The following PPP1R9A variants were observed in gnomAD, a reference collection of about 807,000 sequenced individuals.
PPP1R9A encodes the protein protein phosphatase 1 regulatory subunit 9A.
A neutral mutation model predicts 141.9 loss-of-function variants in PPP1R9A; 59 were observed. That is an observed-to-expected ratio of 0.42 (90% CI 0.34 to 0.52). The LOEUF is 0.52. PPP1R9A is among the 20% of genes least tolerant of loss of function. The probability of loss-of-function intolerance (pLI) is 0.10; values close to 1 mark genes in which losing one functional copy is unlikely to be tolerated. For synonymous variants in PPP1R9A, 500 were observed against 569.7 expected (o/e 0.88, Z 1.74); for missense variants, 1,444 against 1,611.9 (o/e 0.90, Z 1.78).
intron 4 of PPP1R9A, among the ~76,000 whole-genome samples, chr7:95,131,507 A>G (rs1824606055): frequency 6.6e-6 from 1 of 152,182 alleles, no homozygotes; most frequent in South Asian, 2.1e-4. Flanking sequence ...TTGTACCAGT[A>G]GTATGCTGTT....
intron 2 of PPP1R9A, among the ~76,000 whole-genome samples, chr7:94,919,942 A>C (rs1792580449): frequency 1.3e-5 from 2 of 152,116 alleles, no homozygotes; most frequent in African/African-American, 4.8e-5. Flanking sequence ...TATCACTAAG[A>C]TTGTTTCTCG....
At position 95,039,847 on chromosome 7, in the gene PPP1R9A, A is replaced by C. The variant is rs945434638; in HGVS notation, c.1396-71412A>C. Among the ~76,000 whole-genome samples the C allele has an allele frequency of 1.2e-4, 19 of 152,292 alleles. No homozygotes were observed. The East Asian group carries it at 3.1e-3, about 25-fold the overall frequency. On this transcript the variant is annotated intron_variant, in intron 2 of 19. Transcript: ENST00000433360. Reference sequence around the variant, plus strand: ...AGAGATAAAGGAGAAAAATATTTGAAGTGATAATGGCTAACAACTTTCTAA... The same window carrying C: ...AGAGATAAAGGAGAAAAATATTTGACGTGATAATGGCTAACAACTTTCTAA...
In PPP1R9A at chr7:95,293,945, C is replaced by T. The variant is rs1388242933; in HGVS notation, c.*3642C>T. On this transcript the variant is annotated 3_prime_UTR_variant, in exon 20 of 20. Coordinates refer to ENST00000433360, the MANE Select transcript of PPP1R9A (RefSeq NM_001166160.2). ...TCTAGAGGATTCTAAAGGAAGCTGC[C>T]CCAGCAGCCCTGAGAGAACCATCTA... 1 of 152,140 alleles carries T rather than the reference C, an allele frequency of 6.6e-6. No homozygotes were observed. Among genetic ancestry groups the T allele is most frequent in the Non-Finnish European group, 1.5e-5 (1 of 68,038 alleles). The allele number at this position is 152,140 out of a possible 1,614,324, so 9.4% of individuals were successfully genotyped here. A position where few individuals can be genotyped will look rare whatever the true frequency, so the allele number is the denominator to read the frequency against.
rs897838647 is a variant in PPP1R9A at position 95,103,362 on chromosome 7, C to CTTTTTTTTTTTTTTTTTTTTTTTTTTT, written c.1396-7879_1396-7878insTTTTTTTTTTTTTTTTTTTTTTTTTTT. ...GAGTATGTTTGGTTTTTTTTCACTT[C>CTTTTTTTTTTTTTTTTTTTTTTTTTTT]TTTTTTTTTTTTTTTTTTGAGACAG... On this transcript the variant is annotated intron_variant, in intron 2 of 19. Coordinates refer to ENST00000433360, the MANE Select transcript of PPP1R9A (RefSeq NM_001166160.2). 7.1e-4 allele frequency among the ~76,000 whole-genome samples: 63 copies of CTTTTTTTTTTTTTTTTTTTTTTTTTTT among 88,812 alleles called. 9 individuals carry two copies. Among genetic ancestry groups the CTTTTTTTTTTTTTTTTTTTTTTTTTTT allele is most frequent in the African/African-American group, 2.4e-3 (51 of 21,356 alleles). The allele number at this position is 88,812 out of a possible 152,430, so 58.3% of individuals were successfully genotyped here. A position where few individuals can be genotyped will look rare whatever the true frequency, so the allele number is the denominator to read the frequency against.
intron 5 of PPP1R9A, among the ~76,000 whole-genome samples, chr7:95,196,932 G>C (rs1032070292): frequency 6.6e-6 from 1 of 152,072 alleles, no homozygotes; most frequent in Non-Finnish European, 1.5e-5. Context: ...GATGAAAAAG[G>C]TAGTATTTAT....
chr7:95,190,654 C>A (rs1835366027), intron 5 of PPP1R9A, among the ~76,000 whole-genome samples: 1 of 152,226 alleles, frequency 6.6e-6, no homozygotes, highest in Non-Finnish European at 1.5e-5. Flanking sequence ...TGGTCGGCCT[C>A]CATCCAGGAG....
At chr7:94,999,777 T>TTTTTTTTA (rs556826158) in intron 2 of PPP1R9A, among the ~76,000 whole-genome samples, 2,406 of 141,302 alleles carry the variant, frequency 0.017, 65 homozygotes, top group African/African-American at 0.06. Flanking sequence ...AGATATCTTA[T>TTTTTTTTA]TTTATTTATT....
intron 2 of PPP1R9A, among the ~76,000 whole-genome samples, chr7:94,999,548 TA>T (rs1460545955): frequency 2.5e-4 from 38 of 152,222 alleles, no homozygotes; most frequent in Non-Finnish European, 5.1e-4. Flanking sequence ...CCAAATAATT[TA>T]GTTATACATA....
At chr7:94,957,737 G>A (rs1376525090) in intron 2 of PPP1R9A, among the ~76,000 whole-genome samples, 1 of 152,046 alleles carries the variant, frequency 6.6e-6, no homozygotes, top group Admixed American at 6.6e-5. Flanking sequence ...AAAAATTGGT[G>A]CCTGAGATAT....
intron 2 of PPP1R9A, among the ~76,000 whole-genome samples, chr7:95,100,609 T>C (rs543080213): frequency 2.0e-5 from 3 of 151,908 alleles, no homozygotes; most frequent in African/African-American, 2.4e-5. Flanking sequence ...ACATGAGAGG[T>C]AGGTAATATG....
At chr7:94,942,436 C>A (rs554501227) in intron 2 of PPP1R9A, among the ~76,000 whole-genome samples, 18 of 152,112 alleles carry the variant, frequency 1.2e-4, no homozygotes, top group Non-Finnish European at 2.9e-5. Flanking sequence ...CAAATCTAGA[C>A]CTCTGTTTGC....
At chr7:95,049,473 A>G (rs1275042603) in intron 2 of PPP1R9A, among the ~76,000 whole-genome samples, 1 of 152,156 alleles carries the variant, frequency 6.6e-6, no homozygotes, top group Non-Finnish European at 1.5e-5. Context: ...AGCCTCTCCT[A>G]CTGTTAAGAT....
intron 2 of PPP1R9A, among the ~76,000 whole-genome samples, chr7:95,031,007 G>A (rs1040919812): frequency 4.6e-5 from 7 of 152,230 alleles, no homozygotes; most frequent in Middle Eastern, 3.4e-3. Flanking sequence ...TGGGAACCTC[G>A]TGTGGGAAAG....
At chr7:95,105,554 T>C (rs1039269136) in intron 2 of PPP1R9A, among the ~76,000 whole-genome samples, 6 of 152,222 alleles carry the variant, frequency 3.9e-5, no homozygotes, top group Admixed American at 1.3e-4. Context: ...AATGTGAAGG[T>C]AGCTTGAACT....
At chr7:94,943,956 G>T (rs1795609193) in intron 2 of PPP1R9A, among the ~76,000 whole-genome samples, 1 of 152,002 alleles carries the variant, frequency 6.6e-6, no homozygotes, top group Non-Finnish European at 1.5e-5. Context: ...CCCTTTGTTT[G>T]TAAAGTACTT....
intron 4 of PPP1R9A, chr7:95,154,804 G>A (rs2152681340): frequency 1.3e-5 from 2 of 152,214 alleles, no homozygotes; most frequent in Admixed American, 1.3e-4. Context: ...CACTGTTCAA[G>A]ATTTCAAAGG....
At chr7:95,166,716 A>G (rs184943366) in intron 5 of PPP1R9A, among the ~76,000 whole-genome samples, 2 of 152,332 alleles carry the variant, frequency 1.3e-5, no homozygotes, top group Non-Finnish European at 2.9e-5. Context: ...ACCAAAAGGA[A>G]AACTGCAGGC....
chr7:95,098,897 G>A lies in PPP1R9A; in HGVS notation c.1396-12362G>A, dbSNP rs143163811. Reference sequence around the variant, plus strand: ...ATGGGAGAGTGTAAACTTCTGTACTGGAGAAGCTTAAAAGTCTCACTTTCC... The same window carrying A: ...ATGGGAGAGTGTAAACTTCTGTACTAGAGAAGCTTAAAAGTCTCACTTTCC... On this transcript the variant is annotated intron_variant, in intron 2 of 19. Coordinates refer to ENST00000433360, the MANE Select transcript of PPP1R9A (RefSeq NM_001166160.2). Among the ~76,000 whole-genome samples, 723 of 152,224 alleles carry A rather than the reference G, an allele frequency of 4.7e-3. 6 individuals carry two copies. Among genetic ancestry groups the A allele is most frequent in the African/African-American group, 0.016 (675 of 41,530 alleles).
At chr7:95,119,150 T>C (rs1299680013) in intron 3 of PPP1R9A, among the ~76,000 whole-genome samples, 2 of 152,206 alleles carry the variant, frequency 1.3e-5, no homozygotes, top group East Asian at 3.9e-4. Context: ...ATGCTGCTAG[T>C]AAAGCATGAT....
Sources: gnomAD v4.1 joint callset for allele counts (sites outside exome capture counted in the v4.1 genomes callset) on GRCh38, gnomAD v4.1.1 for gene constraint, MANE v1.5 for transcripts, NCBI Gene and HGNC (gene_info 2026-07-23, HGNC 2026-07-21) for gene names.